The following SLC12A7 variants were observed in gnomAD, a reference collection of about 807,000 sequenced individuals.
SLC12A7 encodes K-Cl cotransporter 4.
SLC12A7 carries 100 observed loss-of-function variants against 120.6 expected under a neutral mutation model. That is an observed-to-expected ratio of 0.83 (90% CI 0.71 to 0.98). The LOEUF (loss-of-function observed/expected upper bound fraction) is 0.98. Ranked by LOEUF, SLC12A7 falls within the 50% of genes least tolerant of loss-of-function variation. SLC12A7 has a pLI of 0.00. For synonymous variants in SLC12A7, 760 were observed against 678.0 expected (o/e 1.12, Z -1.88); for missense variants, 1,373 against 1,548.1 (o/e 0.89, Z 1.90).
intron 21 of SLC12A7, among the ~76,000 whole-genome samples, chr5:1,058,969 G>A (rs1208118306): frequency 3.3e-5 from 5 of 152,278 alleles, no homozygotes; most frequent in African/African-American, 7.2e-5. Context: ...TGCTGTTCCC[G>A]CTCCCGGTCC....
At chr5:1,134,252 C>T in the SLC12A7 span, among the ~76,000 whole-genome samples, 2 of 151,988 alleles carry the variant, frequency 1.3e-5, no homozygotes, top group African/African-American at 4.8e-5. Context: ...GGCGGATCAC[C>T]TGAGGTCAGG....
chr5:1,074,729 C>G (rs766133957), intron 15 of SLC12A7, 58 bp from the exon 16 acceptor site: 2 of 1,514,468 alleles, frequency 1.3e-6, no homozygotes, highest in Non-Finnish European at 1.8e-6. Context: ...CCTCTCCCAC[C>G]TGGGAAAGGG....
At chr5:1,150,011 C>T in the SLC12A7 span, among the ~76,000 whole-genome samples, 2 of 152,068 alleles carry the variant, frequency 1.3e-5, no homozygotes, top group African/African-American at 2.4e-5. Context: ...GCCTGGGCAA[C>T]GAGAGCGAAA....
chr5:1,063,168 C>T (rs1285544236), intron 20 of SLC12A7, among the ~76,000 whole-genome samples: 6 of 152,174 alleles, frequency 3.9e-5, no homozygotes, highest in African/African-American at 7.2e-5. Context: ...GCGTGAAGGA[C>T]GGGACGAGTC....
the SLC12A7 span, among the ~76,000 whole-genome samples, chr5:1,146,390 A>G: frequency 6.6e-6 from 1 of 152,178 alleles, no homozygotes; most frequent in African/African-American, 2.4e-5. This position sits in a 1 kb window ranked among gnomAD's most constrained non-coding sequence, Gnocchi z 6.5. Context: ...CCGTGGAATG[A>G]AGCCTGGGGT....
chr5:1,082,272 G>A (rs372509859), intron 8 of SLC12A7, among the ~76,000 whole-genome samples: 13 of 146,122 alleles, frequency 8.9e-5, no homozygotes, highest in South Asian at 2.2e-4. Flanking sequence ...TGGAAAGTCC[G>A]GGCTTCCCCG....
chr5:1,079,494 T>TACC lies in SLC12A7; in HGVS notation c.1298-1_1299dup (p.Gly433dup). ...CCGGACCGGTTTGAACCCGCCATGA[T>TACC]ACCTGTGAACATGGAAAATGCTGCA... On this transcript the variant is annotated inframe_insertion and splice_region_variant, in exon 10 of 24. Coordinates refer to ENST00000264930, the MANE Select transcript of SLC12A7 (RefSeq NM_006598.3). 1 of 1,611,936 alleles carries TACC rather than the reference T, an allele frequency of 6.2e-7. No homozygotes were observed. Among genetic ancestry groups the TACC allele is most frequent in the Non-Finnish European group, 8.5e-7 (1 of 1,179,180 alleles).
intron 8 of SLC12A7, among the ~76,000 whole-genome samples, chr5:1,082,490 C>G (rs1412524262): frequency 1.5e-5 from 2 of 129,634 alleles, no homozygotes; most frequent in African/African-American, 5.9e-5. Flanking sequence ...TCCGGGCTTC[C>G]CCGTCTCGGG....
intron 9 of SLC12A7, among the ~76,000 whole-genome samples, chr5:1,080,064 G>A (rs750992677): frequency 7.2e-5 from 11 of 152,182 alleles, no homozygotes; most frequent in Non-Finnish European, 1.0e-4. Flanking sequence ...GGCGCAGCCT[G>A]AAGCACCCAT....
At position 1,053,369 on chromosome 5, in the gene SLC12A7, T is replaced by G. The variant is rs751885780; in HGVS notation, c.3140A>C (p.Asn1047Thr). The stretch of plus-strand genomic sequence containing the variant: ...GATACAGTTCTCGTCTCCCTGCCGG[T>G]TTTTGGGAGGACCTGGCATGTTGAG... ...VLLNMPGPPK[N>T]RQGDENYMEF... Residue 1047 changes from asparagine (N) to threonine (T), a missense_variant, in exon 23 of 24, where the codon AAC becomes ACC. By Grantham distance (65) the Asn-to-Thr change is moderately conservative. Transcript: ENST00000264930. 1.2e-5 allele frequency: 19 copies of G among 1,613,418 alleles called. No homozygotes were observed. Among genetic ancestry groups the G allele is most frequent in the Non-Finnish European group, 1.5e-5 (18 of 1,179,848 alleles).
chr5:1,063,440 G>A (rs926985842), intron 20 of SLC12A7, among the ~76,000 whole-genome samples: 8 of 152,300 alleles, frequency 5.3e-5, no homozygotes, highest in South Asian at 4.1e-4. Flanking sequence ...TGGAGGACAC[G>A]GAGATGCTGA....
chr5:1,077,788 G>A (rs374537808), intron 12 of SLC12A7, 45 bp downstream of exon 12: 143 of 1,511,648 alleles, frequency 9.5e-5, no homozygotes, highest in South Asian at 6.9e-4. Flanking sequence ...GAGAGCCCCC[G>A]ACCCTGACCT....
In SLC12A7 at chr5:1,073,745, CG is replaced by C; in HGVS notation, c.2128del (p.Arg710AlafsTer9). On this transcript the variant is annotated frameshift_variant, in exon 17 of 24. Transcript: ENST00000264930. LOFTEE classifies it high-confidence loss of function. The stretch of plus-strand genomic sequence containing the variant: ...CAGCTGCGACGTGAAGGACAGCAGG[CG>C]GGGGTGCTTCACGGCCTGCTCCGCG... ...LDAEQAVKHP[R>X]LLSFTSQLKA... 2.6e-6 allele frequency: 4 copies of C among 1,562,230 alleles called. No individual in the cohort carries two copies. Among genetic ancestry groups the C allele is most frequent in the East Asian group, 2.4e-5 (1 of 41,290 alleles).
the SLC12A7 span, among the ~76,000 whole-genome samples, chr5:1,135,760 G>T: frequency 6.6e-6 from 1 of 152,206 alleles, no homozygotes; most frequent in African/African-American, 2.4e-5. Flanking sequence ...TAAGTCCCTC[G>T]CCCTGGTAAG....
At chr5:1,073,426 C>G (rs1737926833) in intron 17 of SLC12A7, among the ~76,000 whole-genome samples, 1 of 152,242 alleles carries the variant, frequency 6.6e-6, no homozygotes. Context: ...GCTAATGGCC[C>G]TCACACCTCC....
chr5:1,074,888 G>A (rs73028857), intron 15 of SLC12A7, among the ~76,000 whole-genome samples: 6,841 of 152,226 alleles, frequency 0.045, 421 homozygotes, highest in African/African-American at 0.14. Context: ...TGGAGGGAAC[G>A]AGGTCTACGT....
the SLC12A7 span, among the ~76,000 whole-genome samples, chr5:1,129,832 C>G: frequency 6.6e-6 from 1 of 152,186 alleles, no homozygotes; most frequent in Non-Finnish European, 1.5e-5. Context: ...TGACCCGAAA[C>G]CTGGTGATTC....
At chr5:1,098,163 C>T (rs186651385) in intron 1 of SLC12A7, among the ~76,000 whole-genome samples, 1 of 42,756 alleles carries the variant, frequency 2.3e-5, no homozygotes, top group African/African-American at 6.9e-5. Flanking sequence ...GCAAGCCCAG[C>T]CCCCCTCTAA....
At chr5:1,062,650 C>T (rs116830411) in intron 20 of SLC12A7, among the ~76,000 whole-genome samples, 4,306 of 148,530 alleles carry the variant, frequency 0.029, 220 homozygotes, top group African/African-American at 0.1. Context: ...AGCAGGTGCT[C>T]GGGGCCTCTG....
Sources: gnomAD v4.1 joint callset for allele counts (sites outside exome capture counted in the v4.1 genomes callset) on GRCh38, gnomAD v4.1.1 for gene constraint, Gnocchi (gnomAD v3.1) non-coding constraint, MANE v1.5 for transcripts, NCBI Gene and HGNC (gene_info 2026-07-23, HGNC 2026-07-21) for gene names.